The following CCNT1 variants were observed in gnomAD, a reference collection of about 807,000 sequenced individuals.
CCNT1 encodes cyclin T1.
A neutral mutation model predicts 67.3 loss-of-function variants in CCNT1; 18 were observed. The ratio of observed to expected loss-of-function variants is 0.27; its 90% confidence interval spans 0.18 to 0.40. The LOEUF is 0.40. Ranked by LOEUF, CCNT1 falls within the 10% of genes least tolerant of loss-of-function variation. The pLI, the probability that CCNT1 is intolerant of heterozygous loss-of-function variation, is 1.00. For synonymous variants in CCNT1, 333 were observed against 310.3 expected (o/e 1.07, Z -0.77); for missense variants, 744 against 884.9 (o/e 0.84, Z 2.02).
At chr12:48,697,493 A>G (rs1227763475) in intron 6 of CCNT1, among the ~76,000 whole-genome samples, 2 of 147,622 alleles carry the variant, frequency 1.4e-5, no homozygotes, top group Non-Finnish European at 3.0e-5. Context: ...ACTTCAGTCC[A>G]GCCTGGTAGA....
In CCNT1 at chr12:48,712,644, C is replaced by A. The variant is rs11168696; in HGVS notation, c.243+1799G>T. ...GCAGGGAAATACTTGACTCACAAAT[C>A]CATTTGAAGTATACAGCCGGTGCAG... On this transcript the variant is annotated intron_variant, in intron 2 of 8. Transcript: ENST00000261900. 1.4e-3 allele frequency among the ~76,000 whole-genome samples: 166 copies of A among 118,702 alleles called. 2 individuals carry two copies. The East Asian group carries it at 0.037, about 27-fold the overall frequency. 77.9% of individuals were successfully genotyped at this position (118,702 alleles called of 152,430 possible).
At chr12:48,698,004 G>A in intron 6 of CCNT1, 134 bp downstream of exon 6, 1 of 533,700 alleles carries the variant, frequency 1.9e-6, no homozygotes, top group South Asian at 4.6e-5. Context: ...AAGTACCATG[G>A]AAATTTAAAG....
chr12:48,715,918 A>G (rs187016870), intron 1 of CCNT1, among the ~76,000 whole-genome samples: 27 of 152,124 alleles, frequency 1.8e-4, no homozygotes, highest in East Asian at 1.7e-3. Context: ...AGTAGCTACT[A>G]ACTGAGCATC....
intron 3 of CCNT1, among the ~76,000 whole-genome samples, chr12:48,702,991 C>T (rs763840600): frequency 6.6e-6 from 1 of 151,596 alleles, no homozygotes; most frequent in East Asian, 1.9e-4. Flanking sequence ...AGTGGTGGCA[C>T]GCAGCTATAG....
chr12:48,693,756 G>T lies in CCNT1; in HGVS notation c.1458C>A (p.Val486=). 1 of 1,614,088 alleles carries T rather than the reference G, an allele frequency of 6.2e-7. No homozygotes were observed. Among genetic ancestry groups the T allele is most frequent in the Non-Finnish European group, 8.5e-7 (1 of 1,180,024 alleles). Residue 486 remains valine (V), a synonymous_variant, in exon 9 of 9, where the codon GTC becomes GTA. Transcript: ENST00000261900. ...KPEEIKMRIK[V]HAAADKHNSV... ...AATTGTGCTTATCAGCTGCAGCATG[G>T]ACTTTTATGCGCATTTTTATCTCCT...
In CCNT1 at chr12:48,703,526, T is replaced by C. The variant is rs891840822; in HGVS notation, c.372+2242A>G. On this transcript the variant is annotated intron_variant, in intron 3 of 8. Coordinates refer to ENST00000261900, the MANE Select transcript of CCNT1 (RefSeq NM_001240.4). The stretch of plus-strand genomic sequence containing the variant: ...AGGGGGAGGTTGCGGTTGGCTGAGA[T>C]TGCACCATTGCACTCAATCCTGGGC... Among the ~76,000 whole-genome samples, 3 of 151,062 alleles carry C rather than the reference T, an allele frequency of 2.0e-5. 1 individual carries two copies. Among genetic ancestry groups the C allele is most frequent in the Non-Finnish European group, 4.4e-5 (3 of 67,884 alleles).
rs189312399 is a variant in CCNT1 at position 48,691,990 on chromosome 12, G to C, written c.*1043C>G. ...CCCATCTCTTAGAGACCTTAAGACT[G>C]CTCTCATTTGAACACTTTCCCAAAG... On this transcript the variant is annotated 3_prime_UTR_variant, in exon 9 of 9. Transcript: ENST00000261900. 2.6e-4 allele frequency: 39 copies of C among 152,026 alleles called. 1 individual carries two copies. Among genetic ancestry groups the C allele is most frequent in the African/African-American group, 9.2e-4 (38 of 41,446 alleles). 9.4% of individuals were successfully genotyped at this position (152,026 alleles called of 1,614,324 possible). A position where few individuals can be genotyped will look rare whatever the true frequency, so the allele number is the denominator to read the frequency against.
chr12:48,689,661 C>T lies in CCNT1; in HGVS notation c.*3372G>A, dbSNP rs772341343. 4.6e-5 allele frequency: 7 copies of T among 151,808 alleles called. No individual in the cohort carries two copies. The highest frequency in any genetic ancestry group is 1.5e-5 in the Non-Finnish European group (1 of 67,950). The allele number at this position is 151,808 out of a possible 1,614,324, so 9.4% of individuals were successfully genotyped here. A position where few individuals can be genotyped will look rare whatever the true frequency, so the allele number is the denominator to read the frequency against. ...TCTTAGTATCAAAATAACTCATAAA[C>T]AAAAAAAATTGTAAATATTAATCAG... On this transcript the variant is annotated 3_prime_UTR_variant, in exon 9 of 9. Coordinates refer to ENST00000261900, the MANE Select transcript of CCNT1 (RefSeq NM_001240.4).
At position 48,693,756 on chromosome 12, in the gene CCNT1, G is replaced by A. The variant is rs752739512; in HGVS notation, c.1458C>T (p.Val486=). 1 of 1,614,088 alleles carries A rather than the reference G, an allele frequency of 6.2e-7. No homozygotes were observed. Among genetic ancestry groups the A allele is most frequent in the Non-Finnish European group, 8.5e-7 (1 of 1,180,024 alleles). Residue 486 remains valine (V), a synonymous_variant, in exon 9 of 9, where the codon GTC becomes GTT. Coordinates refer to ENST00000261900, the MANE Select transcript of CCNT1 (RefSeq NM_001240.4). The part of the protein sequence containing the change: ...KPEEIKMRIK[V]HAAADKHNSV... ...AATTGTGCTTATCAGCTGCAGCATG[G>A]ACTTTTATGCGCATTTTTATCTCCT...
chr12:48,700,303 A>G (rs1940243993), intron 4 of CCNT1, among the ~76,000 whole-genome samples: 1 of 149,356 alleles, frequency 6.7e-6, no homozygotes, highest in Non-Finnish European at 1.5e-5. Context: ...TGGGCGACAA[A>G]GCAAGACTCC....
chr12:48,707,664 ACC>A (rs1386227795), intron 2 of CCNT1, among the ~76,000 whole-genome samples: 2,578 of 152,116 alleles, frequency 0.017, 83 homozygotes, highest in African/African-American at 0.059. Context: ...ACTATTATGT[ACC>A]CATGATAATT....
At position 48,713,605 on chromosome 12, in the gene CCNT1, G is replaced by A. The variant is rs138781392; in HGVS notation, c.243+838C>T. On this transcript the variant is annotated intron_variant, in intron 2 of 8. Coordinates refer to ENST00000261900, the MANE Select transcript of CCNT1 (RefSeq NM_001240.4). ...TTGAGACCAGGCTGGACAACACAGGGAGACCCCATCTTCACAAAAAAAATT... is the reference window on the plus strand; with the variant it reads ...TTGAGACCAGGCTGGACAACACAGGAAGACCCCATCTTCACAAAAAAAATT... Among the ~76,000 whole-genome samples, 340 of 152,156 alleles carry A rather than the reference G, an allele frequency of 2.2e-3. 3 individuals carry two copies. Among genetic ancestry groups the A allele is most frequent in the African/African-American group, 7.8e-3 (323 of 41,498 alleles).
chr12:48,708,718 CTT>C (rs1440731222), intron 2 of CCNT1, among the ~76,000 whole-genome samples: 1 of 152,082 alleles, frequency 6.6e-6, no homozygotes, highest in African/African-American at 2.4e-5. Context: ...AGGATTATCT[CTT>C]TATTTCCTGT....
At chr12:48,700,318 C>CAAAAAAAAA (rs372908471) in intron 4 of CCNT1, among the ~76,000 whole-genome samples, 1 of 82,284 alleles carries the variant, frequency 1.2e-5, no homozygotes, top group African/African-American at 5.0e-5. Flanking sequence ...GACTCCGTCT[C>CAAAAAAAAA]AAAAAAAAAA....
At position 48,695,778 on chromosome 12, in the gene CCNT1, T is replaced by C; in HGVS notation, c.758A>G (p.Lys253Arg). 1 of 1,612,180 alleles carries C rather than the reference T, an allele frequency of 6.2e-7. No individual in the cohort carries two copies. The highest frequency in any genetic ancestry group is 8.5e-7 in the Non-Finnish European group (1 of 1,178,222). Residue 253 changes from lysine to arginine, a missense_variant, in exon 8 of 9, where the codon AAA becomes AGA. Lys to Arg is a conservative substitution (Grantham distance 26). Around this residue, in one of 3 missense-constraint regions of CCNT1, gnomAD observed 142 missense variants for 277.0 expected, o/e 0.51. Coordinates refer to ENST00000261900, the MANE Select transcript of CCNT1 (RefSeq NM_001240.4). ...TCTTACCCTCCAATTCCAAATGCGT[T>C]TGAGCCTGTTGGGAGTTTTCTCCAA... ...QILEKTPNRL[K>R]RIWNWRACEA...
chr12:48,701,278 T>G (rs1940264601), intron 3 of CCNT1, among the ~76,000 whole-genome samples: 1 of 136,882 alleles, frequency 7.3e-6, no homozygotes, highest in African/African-American at 2.8e-5. Flanking sequence ...CAGGCTGGAG[T>G]GCAGTGGTGT....
At chr12:48,710,066 G>T (rs1940424745) in intron 2 of CCNT1, among the ~76,000 whole-genome samples, 1 of 151,828 alleles carries the variant, frequency 6.6e-6, no homozygotes, top group Non-Finnish European at 1.5e-5. Flanking sequence ...TGATTTTTGT[G>T]TTTTTAATAG....
chr12:48,707,594 G>A (rs1230047298), intron 2 of CCNT1, among the ~76,000 whole-genome samples: 1 of 148,392 alleles, frequency 6.7e-6, no homozygotes, highest in African/African-American at 2.6e-5. Context: ...TTCTTAACAA[G>A]AGTGACACTA....
In CCNT1 at chr12:48,700,095, G is replaced by A. The variant is rs58736952; in HGVS notation, c.434-255C>T. On this transcript the variant is annotated intron_variant, in intron 4 of 8. Transcript: ENST00000261900. ...AGCACTTTGGGAGGCCGAGGCGAGC[G>A]GATCACAAGGTCAGGAGATCAAGAC... Among the ~76,000 whole-genome samples, 282 of 152,064 alleles carry A rather than the reference G, an allele frequency of 1.9e-3. 1 individual carries two copies. Among genetic ancestry groups the A allele is most frequent in the African/African-American group, 6.4e-3 (265 of 41,512 alleles).
Sources: gnomAD v4.1 joint callset for allele counts (sites outside exome capture counted in the v4.1 genomes callset) on GRCh38, gnomAD v4.1.1 for gene constraint, gnomAD v4.1.1 regional missense constraint, MANE v1.5 for transcripts, NCBI Gene and HGNC (gene_info 2026-07-23, HGNC 2026-07-21) for gene names.